Variants in KSR2 observed in about 807,000 individuals in gnomAD.
The protein encoded by KSR2 is kinase suppressor of ras 2.
A neutral mutation model predicts 107.8 loss-of-function variants in KSR2; 25 were observed. The observed-to-expected ratio is 0.23, with a 90% confidence interval of 0.17 to 0.32. KSR2 has a LOEUF of 0.32. KSR2 is among the 10% of genes least tolerant of loss of function. The probability of loss-of-function intolerance (pLI) is 1.00; values close to 1 mark genes in which losing one functional copy is unlikely to be tolerated. For synonymous variants in KSR2, 480 were observed against 507.0 expected, an observed-to-expected ratio of 0.95 and a Z score of 0.71; for missense variants, 887 against 1,268.9, an observed-to-expected ratio of 0.70 and a Z score of 4.57.
chr12:117,697,011 G>C (rs1352546188), intron 4 of KSR2, among the ~76,000 whole-genome samples: 1 of 152,150 alleles, frequency 6.6e-6, no homozygotes, highest in Non-Finnish European at 1.5e-5. Flanking sequence ...GCTGCCCCAG[G>C]CATCCAGAGT....
intron 1 of KSR2, among the ~76,000 whole-genome samples, chr12:117,943,500 CAAAAAAAAA>C (rs35125662): frequency 3.8e-5 from 2 of 52,916 alleles, no homozygotes; most frequent in African/African-American, 1.6e-4. Flanking sequence ...TCCACCTAGC[CAAAAAAAAA>C]AAAAAAAAAA....
intron 3 of KSR2, among the ~76,000 whole-genome samples, chr12:117,801,638 C>T (rs1052248201): frequency 2.0e-5 from 3 of 152,046 alleles, no homozygotes; most frequent in African/African-American, 7.2e-5. Flanking sequence ...TTCAAATAAC[C>T]AGATCTCAAG....
At chr12:117,689,055 T>C (rs1885709821) in intron 4 of KSR2, among the ~76,000 whole-genome samples, 1 of 152,236 alleles carries the variant, frequency 6.6e-6, no homozygotes, top group Non-Finnish European at 1.5e-5. Context: ...TGTCTCAGTG[T>C]AAACTCTTCC....
At chr12:117,619,210 CT>C (rs67822272) in intron 5 of KSR2, among the ~76,000 whole-genome samples, 58,233 of 147,216 alleles carry the variant, frequency 0.4, 13,254 homozygotes, top group Non-Finnish European at 0.51. Context: ...AGTCAATTTT[CT>C]TTTTTTTTTT....
intron 3 of KSR2, among the ~76,000 whole-genome samples, chr12:117,801,897 T>C (rs958113569): frequency 3.2e-4 from 49 of 151,990 alleles, no homozygotes; most frequent in African/African-American, 1.2e-3. Flanking sequence ...GGCTGAAGAA[T>C]TGTATATGAC....
At chr12:117,713,054 A>AAT (rs149221506) in intron 4 of KSR2, among the ~76,000 whole-genome samples, 23,402 of 148,820 alleles carry the variant, frequency 0.16, 2,516 homozygotes, top group African/African-American at 0.31. Flanking sequence ...CAAATATATA[A>AAT]ATATATATAT....
intron 4 of KSR2, among the ~76,000 whole-genome samples, chr12:117,751,461 G>C (rs923783678): frequency 2.0e-5 from 3 of 152,180 alleles, no homozygotes; most frequent in African/African-American, 7.2e-5. Flanking sequence ...CTGATAAAGA[G>C]GAAACATCAC....
chr12:117,669,160 G>A (rs916790173), intron 4 of KSR2, among the ~76,000 whole-genome samples: 9 of 152,170 alleles, frequency 5.9e-5, no homozygotes, highest in Non-Finnish European at 1.3e-4. Flanking sequence ...GTGCAATAAA[G>A]CCAGGGACTG....
rs963784280 is a variant in KSR2 at position 117,762,997 on chromosome 12, G to A, written c.473-1473C>T. ...GTTGGTGTGCTGCACTCATTAACTC[G>A]TCATTTAACATTAGGTATATCTCCT... is the stretch of plus-strand genomic sequence containing the variant. On this transcript the variant is annotated intron_variant, in intron 3 of 19. Transcript: ENST00000339824. Among the ~76,000 whole-genome samples the A allele has an allele frequency of 7.2e-5, 11 of 151,940 alleles. No individual in the cohort carries two copies. The East Asian group carries it at 1.5e-3, about 21-fold the overall frequency.
intron 1 of KSR2, among the ~76,000 whole-genome samples, chr12:117,927,701 G>A (rs7302133): frequency 0.29 from 44,168 of 150,602 alleles, 6,625 homozygotes; most frequent in East Asian, 0.38. Context: ...TGGAAAAAAG[G>A]AAAAAAAAAG....
rs1328746649 is a variant in KSR2, at chr12:117,669,631, G to A, written c.987-1973C>T. Among the ~76,000 whole-genome samples, 13 of 152,106 alleles carry A rather than the reference G, an allele frequency of 8.5e-5. No individual in the cohort carries two copies. In the East Asian group the frequency reaches 1.5e-3, roughly 18 times the overall value. On this transcript the variant is annotated intron_variant, in intron 4 of 19. Coordinates refer to ENST00000339824, the MANE Select transcript of KSR2 (RefSeq NM_173598.6). Reference sequence around the variant, plus strand: ...CTCTATAATCCCAGCACTTTCGGGGGCCAAGGTGGGAGAATAACTTGAGGC... The same window carrying A: ...CTCTATAATCCCAGCACTTTCGGGGACCAAGGTGGGAGAATAACTTGAGGC...
At chr12:117,667,406 C>G in intron 5 of KSR2, 68 bp downstream of exon 5, 1 of 1,429,404 alleles carries the variant, frequency 7.0e-7, no homozygotes, top group South Asian at 1.2e-5. Flanking sequence ...GCACAGAGGA[C>G]AGCAGGTGCT....
At chr12:117,886,075 A>T (rs1471107281) in intron 1 of KSR2, among the ~76,000 whole-genome samples, 1 of 151,318 alleles carries the variant, frequency 6.6e-6, no homozygotes, top group East Asian at 1.9e-4. Context: ...CAGCCTGGGC[A>T]ACAGACTGAG....
At chr12:117,523,043 C>A (rs1334032708) in intron 14 of KSR2, among the ~76,000 whole-genome samples, 1 of 152,170 alleles carries the variant, frequency 6.6e-6, no homozygotes, top group African/African-American at 2.4e-5. Flanking sequence ...ACCATTTTTA[C>A]CCTGATTTAA....
At chr12:117,671,291 G>T (rs74992073) in intron 4 of KSR2, among the ~76,000 whole-genome samples, 3,757 of 152,166 alleles carry the variant, frequency 0.025, 63 homozygotes, top group East Asian at 0.11. Flanking sequence ...GACTGGGTTG[G>T]GTGTTCCTTC....
At chr12:117,638,954 G>A (rs1285228623) in intron 5 of KSR2, among the ~76,000 whole-genome samples, 1 of 152,058 alleles carries the variant, frequency 6.6e-6, no homozygotes. Flanking sequence ...AACAAAGTAC[G>A]ATCGATAAAG....
chr12:117,898,745 CA>C (rs900713758), intron 1 of KSR2, among the ~76,000 whole-genome samples: 16 of 143,594 alleles, frequency 1.1e-4, no homozygotes, highest in Admixed American at 2.8e-4. Flanking sequence ...ACTATTCAGC[CA>C]AAAAAAAAAG....
chr12:117,679,686 T>G (rs1262365231), intron 4 of KSR2, among the ~76,000 whole-genome samples: 1 of 152,144 alleles, frequency 6.6e-6, no homozygotes, highest in East Asian at 1.9e-4. Flanking sequence ...TTAGCCCATC[T>G]GGGTGTGTAA....
chr12:117,601,993 G>T (rs184497327), intron 5 of KSR2, among the ~76,000 whole-genome samples: 2 of 152,284 alleles, frequency 1.3e-5, no homozygotes, highest in Non-Finnish European at 1.5e-5. Context: ...ATTCAACTCT[G>T]CTGTGATCAC....
Sources: allele counts gnomAD v4.1 joint callset (sites outside exome capture counted in the v4.1 genomes callset), GRCh38; gene constraint gnomAD v4.1.1; transcripts MANE v1.5; gene names NCBI Gene and HGNC (gene_info 2026-07-23, HGNC 2026-07-21).